Variants in OSBPL10 observed in about 807,000 individuals in gnomAD.
The protein encoded by OSBPL10 is oxysterol-binding protein-related protein 10.
A neutral mutation model predicts 81.7 loss-of-function variants in OSBPL10; 49 were observed. The observed-to-expected ratio is 0.60, with a 90% confidence interval of 0.48 to 0.76. The LOEUF is 0.76. Among genes scored for constraint, OSBPL10 ranks in the 30% least tolerant of loss-of-function variants. The probability of loss-of-function intolerance (pLI) is 0.00; values close to 1 mark genes in which losing one functional copy is unlikely to be tolerated. For missense variants in OSBPL10, 923 were observed against 987.8 expected (o/e 0.93, Z 0.88); for synonymous variants, 419 against 383.6 (o/e 1.09, Z -1.08).
intron 4 of OSBPL10, among the ~76,000 whole-genome samples, chr3:31,748,426 G>C (rs1399620192): frequency 6.6e-6 from 1 of 152,142 alleles, no homozygotes; most frequent in Non-Finnish European, 1.5e-5. Context: ...ATTGAAAGCA[G>C]TCCTTGCAAC....
chr3:31,870,149 C>T (rs1471142068), intron 3 of OSBPL10, among the ~76,000 whole-genome samples: 2 of 152,238 alleles, frequency 1.3e-5, no homozygotes, highest in Admixed American at 6.5e-5. Flanking sequence ...ACCGGGGCTG[C>T]GCACTGCGCT....
At chr3:31,742,381 C>T (rs867714944) in intron 5 of OSBPL10, among the ~76,000 whole-genome samples, 17 of 152,304 alleles carry the variant, frequency 1.1e-4, no homozygotes, top group Middle Eastern at 6.8e-3. Flanking sequence ...TGACACTCCC[C>T]GCAAATCTTT....
intron 2 of OSBPL10, chr3:31,991,747 C>T (rs921788529): frequency 6.5e-6 from 1 of 154,238 alleles, no homozygotes; most frequent in Non-Finnish European, 1.5e-5. Flanking sequence ...CAGATGCCTA[C>T]CCTGAAACAT....
intron 3 of OSBPL10, among the ~76,000 whole-genome samples, chr3:31,865,750 A>G (rs1014558005): frequency 2.0e-5 from 3 of 152,260 alleles, no homozygotes; most frequent in Non-Finnish European, 4.4e-5. Flanking sequence ...ATCATATAAA[A>G]GAGGTATTCA....
chr3:31,707,255 C>T (rs893679456), intron 6 of OSBPL10: 10 of 152,106 alleles, frequency 6.6e-5, no homozygotes, highest in African/African-American at 1.4e-4. Flanking sequence ...TACTCTAGCA[C>T]GGATTAAGAC....
chr3:31,998,833 T>C (rs1320248190), intron 2 of OSBPL10, among the ~76,000 whole-genome samples: 3 of 152,232 alleles, frequency 2.0e-5, no homozygotes, highest in African/African-American at 4.8e-5. Flanking sequence ...ATCTGCACCA[T>C]TAATGGAGAG....
At chr3:31,858,858 T>C (rs1700992743) in intron 3 of OSBPL10, among the ~76,000 whole-genome samples, 1 of 152,176 alleles carries the variant, frequency 6.6e-6, no homozygotes, top group African/African-American at 2.4e-5. Flanking sequence ...AACAATCAGG[T>C]TTTAGAGATG....
At chr3:31,977,581 T>A (rs1698725209) in intron 1 of OSBPL10, among the ~76,000 whole-genome samples, 1 of 152,150 alleles carries the variant, frequency 6.6e-6, no homozygotes, top group Non-Finnish European at 1.5e-5. Flanking sequence ...ATAAGATGGG[T>A]AATAAGAGAG....
intron 1 of OSBPL10, among the ~76,000 whole-genome samples, chr3:31,892,312 A>G (rs1416787159): frequency 6.6e-6 from 1 of 152,190 alleles, no homozygotes; most frequent in East Asian, 1.9e-4. Context: ...AGGCAATGCA[A>G]ACCATGCTGC....
chr3:31,783,801 AAAAAAAAAAAAAAAAAAAAAAAATATAT>A (rs1439587959), intron 4 of OSBPL10, among the ~76,000 whole-genome samples: 8 of 67,252 alleles, frequency 1.2e-4, no homozygotes, highest in Non-Finnish European at 1.8e-4. Context: ...AAAAAAAAAA[AAAAAAAAAAAAAAAAAAAAAAAATATAT>A]ATATATATAT....
At position 32,071,052 on chromosome 3, in the gene OSBPL10, T is replaced by C. The variant is rs1458901851; in HGVS notation, n.185+6344A>G. 8.5e-5 allele frequency among the ~76,000 whole-genome samples: 13 copies of C among 152,218 alleles called. No homozygotes were observed. In the East Asian group the frequency reaches 2.5e-3, roughly 29 times the overall value. On this transcript the variant is annotated intron_variant and non_coding_transcript_variant, in intron 1 of 3. Transcript: ENST00000479173. ...ATTCAATATATTGATGACCTTCTAC[T>C]TTGTAGCCCCTCCTTTGAATCTTCT...
chr3:31,933,212 A>G (rs1697296321), intron 1 of OSBPL10, among the ~76,000 whole-genome samples: 1 of 152,096 alleles, frequency 6.6e-6, no homozygotes, highest in Non-Finnish European at 1.5e-5. Flanking sequence ...GAGTGAGCAG[A>G]CTCATGAATA....
At chr3:31,713,285 T>C (rs1473285256) in intron 6 of OSBPL10, among the ~76,000 whole-genome samples, 1 of 152,200 alleles carries the variant, frequency 6.6e-6, no homozygotes, top group Admixed American at 6.5e-5. Flanking sequence ...CCTTCTGTTC[T>C]TGGAACACGC....
chr3:31,968,178 TAAAATA>T (rs992365060), intron 1 of OSBPL10, among the ~76,000 whole-genome samples: 17 of 152,174 alleles, frequency 1.1e-4, no homozygotes, highest in African/African-American at 4.1e-4. Context: ...GCGTAAATGT[TAAAATA>T]AATACTTGAC....
intron 3 of OSBPL10, among the ~76,000 whole-genome samples, chr3:31,832,114 A>C (rs909648013): frequency 1.3e-5 from 2 of 152,244 alleles, no homozygotes; most frequent in African/African-American, 4.8e-5. Flanking sequence ...TAAGTGAAGG[A>C]AGGCACATAA....
At chr3:31,928,261 C>A (rs555784869) in intron 1 of OSBPL10, among the ~76,000 whole-genome samples, 4 of 152,216 alleles carry the variant, frequency 2.6e-5, no homozygotes, top group African/African-American at 9.6e-5. Flanking sequence ...CAACACATAA[C>A]CAAAACATCC....
chr3:31,777,393 C>T (rs1698574657), intron 4 of OSBPL10, among the ~76,000 whole-genome samples: 2 of 152,136 alleles, frequency 1.3e-5, no homozygotes, highest in Admixed American at 1.3e-4. Flanking sequence ...GTCCCCCTAG[C>T]CTGCTGGTTA....
At chr3:31,885,041 A>G (rs1250229782) in intron 1 of OSBPL10, among the ~76,000 whole-genome samples, 1 of 152,164 alleles carries the variant, frequency 6.6e-6, no homozygotes, top group East Asian at 1.9e-4. Flanking sequence ...GCTCAATCCC[A>G]AAGCTGGGAG....
At chr3:31,745,694 G>A (rs1454236752) in intron 5 of OSBPL10, among the ~76,000 whole-genome samples, 2 of 152,096 alleles carry the variant, frequency 1.3e-5, no homozygotes, top group South Asian at 2.1e-4. Flanking sequence ...TGGGCAAGTT[G>A]TTTAATTGTT....
Sources: allele counts gnomAD v4.1 joint callset (sites outside exome capture counted in the v4.1 genomes callset), GRCh38; gene constraint gnomAD v4.1.1; transcripts MANE v1.5; gene names NCBI Gene and HGNC (gene_info 2026-07-23, HGNC 2026-07-21).